Variants in SHROOM3 observed in about 807,000 individuals in gnomAD.
SHROOM3 encodes shroom family member 3.
A neutral mutation model predicts 138.6 loss-of-function variants in SHROOM3; 47 were observed. The ratio of observed to expected loss-of-function variants is 0.34; its 90% CI spans 0.27 to 0.43. SHROOM3 has a LOEUF of 0.43. Among genes scored for constraint, SHROOM3 ranks in the 20% least tolerant of loss-of-function variants. The pLI is 1.00. For missense variants in SHROOM3, 2,491 were observed against 2,596.5 expected (o/e 0.96, Z 0.88); for synonymous variants, 1,062 against 1,063.3 (o/e 1.00, Z 0.02).
chr4:76,630,022 T>A (rs1735268255), intron 2 of SHROOM3, among the ~76,000 whole-genome samples: 1 of 152,172 alleles, frequency 6.6e-6, no homozygotes, highest in Non-Finnish European at 1.5e-5. Flanking sequence ...GACACAGGAC[T>A]CAGTCTAGTC....
intron 1 of SHROOM3, among the ~76,000 whole-genome samples, chr4:76,500,750 A>G (rs1732074438): frequency 6.6e-6 from 1 of 152,022 alleles, no homozygotes; most frequent in African/African-American, 2.4e-5. Context: ...CCATTTGAAT[A>G]TCTTTGGTAA....
At chr4:76,574,896 G>T (rs775049388) in intron 2 of SHROOM3, among the ~76,000 whole-genome samples, 3 of 152,052 alleles carry the variant, frequency 2.0e-5, no homozygotes, top group Admixed American at 6.6e-5. Context: ...TCTGGACATT[G>T]GATCTACAAA....
At chr4:76,775,386 TA>T (rs575159851) in intron 10 of SHROOM3, among the ~76,000 whole-genome samples, 5 of 148,804 alleles carry the variant, frequency 3.4e-5, no homozygotes, top group East Asian at 2.0e-4. Context: ...AGAATGGCAA[TA>T]AAAAAAAATA....
At chr4:76,658,277 G>A (rs1318423514) in intron 2 of SHROOM3, among the ~76,000 whole-genome samples, 6 of 152,156 alleles carry the variant, frequency 3.9e-5, no homozygotes, top group Non-Finnish European at 8.8e-5. Flanking sequence ...AATCATTACA[G>A]AAATTCCTGC....
At chr4:76,535,865 G>GAC (rs910955662) in intron 1 of SHROOM3, among the ~76,000 whole-genome samples, 8 of 152,226 alleles carry the variant, frequency 5.3e-5, no homozygotes, top group African/African-American at 1.7e-4. Context: ...AAGAATTCCA[G>GAC]ACAGGGAAAA....
At chr4:76,742,554 G>C (rs1560610436) in intron 5 of SHROOM3, among the ~76,000 whole-genome samples, 2 of 152,030 alleles carry the variant, frequency 1.3e-5, no homozygotes, top group Admixed American at 6.6e-5. Context: ...ATCCTGGTGA[G>C]GAGAGAAAAT....
intron 2 of SHROOM3, among the ~76,000 whole-genome samples, chr4:76,687,876 C>T (rs1719386284): frequency 6.6e-6 from 1 of 152,144 alleles, no homozygotes. Context: ...TTTCACCTGA[C>T]CCAGAGCACT....
At chr4:76,765,000 A>T (rs1722100753) in intron 9 of SHROOM3, among the ~76,000 whole-genome samples, 1 of 152,046 alleles carries the variant, frequency 6.6e-6, no homozygotes, top group Non-Finnish European at 1.5e-5. Context: ...ATTGTCCCAC[A>T]AGCTCCATTC....
At chr4:76,616,933 G>T (rs986017764) in intron 2 of SHROOM3, among the ~76,000 whole-genome samples, 1 of 152,210 alleles carries the variant, frequency 6.6e-6, no homozygotes, top group African/African-American at 2.4e-5. Flanking sequence ...AGATAGTGAA[G>T]TTAAACACAT....
intron 2 of SHROOM3, among the ~76,000 whole-genome samples, chr4:76,558,250 AT>A (rs1733527658): frequency 6.6e-6 from 1 of 152,168 alleles, no homozygotes; most frequent in Non-Finnish European, 1.5e-5. Flanking sequence ...AAACAGACAG[AT>A]ATGGGGTTGA....
rs143021601 is a variant in SHROOM3 at position 76,730,819 on chromosome 4, A to G, written c.471A>G (p.Ala157=). 2.6e-5 allele frequency: 42 copies of G among 1,613,934 alleles called. No individual in the cohort carries two copies. Among genetic ancestry groups the G allele is most frequent in the Admixed American group, 5.0e-5 (3 of 60,004 alleles). ...GTCTCCCCAGGCGCAGTGAGCCTGC[A>G]GGCCGACCTCACTCGTGGCACACAA... ...LRLKHRRSEP[A]GRPHSWHTTK... is the part of the protein sequence containing the mutation. Residue 157 remains alanine (A), a synonymous_variant, in exon 4 of 11, where the codon GCA becomes GCG. Transcript: ENST00000296043.
chr4:76,742,100 G>C (rs1721279394), intron 5 of SHROOM3, 174 bp downstream of exon 5: 1 of 837,178 alleles, frequency 1.2e-6, no homozygotes, highest in Admixed American at 2.0e-5. Flanking sequence ...CCCTTACCTG[G>C]TTTCCTTATA....
chr4:76,474,868 A>G (rs1731450461), intron 1 of SHROOM3, among the ~76,000 whole-genome samples: 2 of 152,022 alleles, frequency 1.3e-5, no homozygotes, highest in Non-Finnish European at 2.9e-5. Flanking sequence ...TGGAGGTTGC[A>G]GTGAGCTGAG....
Position 76,631,203 on chromosome 4 carries a change from C to CTTTTTT in SHROOM3, c.323+75456_323+75461dup, listed in dbSNP as rs71212436. 3.0e-3 allele frequency among the ~76,000 whole-genome samples: 316 copies of CTTTTTT among 104,172 alleles called. 6 individuals carry two copies. The highest frequency in any genetic ancestry group is 4.0e-3 in the East Asian group (14 of 3,462). The allele number at this position is 104,172 out of a possible 152,430, so 68.3% of individuals were successfully genotyped here. A position where few individuals can be genotyped will look rare whatever the true frequency, so the allele number is the denominator to read the frequency against. On this transcript the variant is annotated intron_variant, in intron 2 of 10. Coordinates refer to ENST00000296043, the MANE Select transcript of SHROOM3 (RefSeq NM_020859.4). ...GAAAGACAGGTGACTTTTTTTTAAT[C>CTTTTTT]TTTTTTTTTTTTTTTTTTTTTGAGA...
intron 1 of SHROOM3, among the ~76,000 whole-genome samples, chr4:76,452,672 A>G (rs1030352199): frequency 6.6e-6 from 1 of 152,186 alleles, no homozygotes; most frequent in Admixed American, 6.5e-5. Context: ...CCTTTTAGCT[A>G]TTGTGAATAG....
At chr4:76,512,818 T>G (rs1002123159) in intron 1 of SHROOM3, among the ~76,000 whole-genome samples, 1 of 152,242 alleles carries the variant, frequency 6.6e-6, no homozygotes. Flanking sequence ...AGACCAGAGA[T>G]ATGACCAACT....
intron 2 of SHROOM3, among the ~76,000 whole-genome samples, chr4:76,569,108 A>G (rs1733784995): frequency 6.6e-6 from 1 of 152,218 alleles, no homozygotes; most frequent in Non-Finnish European, 1.5e-5. Context: ...GAATGGAGGC[A>G]TTTCTATTTT....
intron 2 of SHROOM3, among the ~76,000 whole-genome samples, chr4:76,604,262 G>A (rs1421942818): frequency 1.3e-5 from 2 of 152,134 alleles, no homozygotes; most frequent in Non-Finnish European, 2.9e-5. Context: ...GGGGGCTACT[G>A]GTTGATTGTG....
At chr4:76,668,466 A>G (rs1050392392) in intron 2 of SHROOM3, among the ~76,000 whole-genome samples, 5 of 152,018 alleles carry the variant, frequency 3.3e-5, no homozygotes, top group African/African-American at 1.2e-4. Context: ...CTAGCTACTC[A>G]GGAGGCTGAG....
Sources: gnomAD v4.1 joint callset for allele counts (sites outside exome capture counted in the v4.1 genomes callset) on GRCh38, gnomAD v4.1.1 for gene constraint, MANE v1.5 for transcripts, NCBI Gene and HGNC (gene_info 2026-07-23, HGNC 2026-07-21) for gene names.